The following PCYT1A variants were observed in gnomAD, a reference collection of about 807,000 sequenced individuals.
PCYT1A encodes choline-phosphate cytidylyltransferase A.
PCYT1A carries 25 observed loss-of-function variants against 43.7 expected under a neutral mutation model. The ratio of observed to expected loss-of-function variants is 0.57; its 90% confidence interval spans 0.42 to 0.80. PCYT1A has a LOEUF of 0.80. Among genes scored for constraint, PCYT1A ranks in the 30% least tolerant of loss-of-function variants. The probability of loss-of-function intolerance (pLI) is 0.00; values close to 1 mark genes in which losing one functional copy is unlikely to be tolerated. For missense variants in PCYT1A, 421 were observed against 474.2 expected (o/e 0.89, Z 1.04); for synonymous variants, 172 against 170.7 (o/e 1.01, Z -0.06).
intron 1 of PCYT1A, among the ~76,000 whole-genome samples, chr3:196,286,022 T>C (rs1342185385): frequency 6.6e-6 from 1 of 150,668 alleles, no homozygotes; most frequent in Non-Finnish European, 1.5e-5. Context: ...AACCCCTAAA[T>C]CCTCACTGCC....
chr3:196,241,712 T>G, intron 7 of PCYT1A: 1 of 1,378,816 alleles, frequency 7.3e-7, no homozygotes, highest in Non-Finnish European at 9.8e-7. Flanking sequence ...CTATATAAAT[T>G]ACTCATTTAT....
intron 3 of PCYT1A, among the ~76,000 whole-genome samples, chr3:196,257,301 A>C (rs1724980242): frequency 6.6e-6 from 1 of 152,226 alleles, no homozygotes; most frequent in African/African-American, 2.4e-5. Context: ...TATTTTTTAA[A>C]ACCTGGAAAA....
chr3:196,248,378 A>G, intron 3 of PCYT1A, 55 bp from the exon 4 acceptor site: 2 of 1,133,442 alleles, frequency 1.8e-6, no homozygotes, highest in Non-Finnish European at 2.7e-6. Context: ...TGTCATTTTT[A>G]TTTTTATTTT....
chr3:196,275,211 G>T (rs1725549471), intron 1 of PCYT1A, among the ~76,000 whole-genome samples: 1 of 152,186 alleles, frequency 6.6e-6, no homozygotes. Flanking sequence ...AGTACTTACT[G>T]CTTACAAAGT....
At chr3:196,283,966 A>C (rs1161912402) in intron 1 of PCYT1A, among the ~76,000 whole-genome samples, 1 of 152,252 alleles carries the variant, frequency 6.6e-6, no homozygotes, top group Admixed American at 6.5e-5. Context: ...CCCTGACTTT[A>C]GGGTTTCTCC....
rs201805549 is a variant in PCYT1A at position 196,239,535 on chromosome 3, G to A, written c.897+12C>T. On this transcript the variant is annotated intron_variant, in intron 8 of 8. Transcript: ENST00000431016. The stretch of plus-strand genomic sequence containing the variant: ...TGGAACTCCCTACATTGTCCAGTGG[G>A]AAAGAACATACCAGTGCTCCTTCCG... The A allele has an allele frequency of 1.4e-4, 228 of 1,575,286 alleles. 1 individual carries two copies. The East Asian group carries it at 5.1e-3, about 35-fold the overall frequency.
At position 196,235,460 on chromosome 3, in the gene PCYT1A, A is replaced by G. The variant is rs1465657063; in HGVS notation, c.*3228T>C. ...TCCCTAACTTTCTTACCCAAGCCTC[A>G]GCAATATAATGGTCTTTGGCTCTAG... On this transcript the variant is annotated 3_prime_UTR_variant, in exon 9 of 9. Transcript: ENST00000431016. The surrounding 1 kb of genome is among the most constrained non-coding windows in gnomAD (Gnocchi z 4.3). 2 of 152,242 alleles carry G rather than the reference A, an allele frequency of 1.3e-5. No individual in the cohort carries two copies. The highest frequency in any genetic ancestry group is 4.8e-5 in the African/African-American group (2 of 41,444). The allele number at this position is 152,242 out of a possible 1,614,324, so 9.4% of individuals were successfully genotyped here. A position where few individuals can be genotyped will look rare whatever the true frequency, so the allele number is the denominator to read the frequency against.
chr3:196,238,007 C>T lies in PCYT1A; in HGVS notation c.*681G>A, dbSNP rs1045121946. 1 of 152,204 alleles carries T rather than the reference C, an allele frequency of 6.6e-6. No individual in the cohort carries two copies. Among genetic ancestry groups the T allele is most frequent in the African/African-American group, 2.4e-5 (1 of 41,448 alleles). The allele number at this position is 152,204 out of a possible 1,614,324, so 9.4% of individuals were successfully genotyped here. On this transcript the variant is annotated 3_prime_UTR_variant, in exon 9 of 9. Transcript: ENST00000431016. The stretch of plus-strand genomic sequence containing the variant: ...TTGATGCCATGGGTCTGCTTCCATC[C>T]CCATCAGTGTCTTCATGGACCCCAT...
In PCYT1A at chr3:196,242,294, C is replaced by T; in HGVS notation, c.566-204G>A. 1.5e-6 allele frequency: 1 copy of T among 646,982 alleles called. No homozygotes were observed. Among genetic ancestry groups the T allele is most frequent in the Non-Finnish European group, 2.7e-6 (1 of 364,636 alleles). 40.1% of individuals were successfully genotyped at this position (646,982 alleles called of 1,614,324 possible). ...TAAGGCAAAGAAGAGTTACATAGCC[C>T]TAATATTAAGAAAAATATGAGAAAG... On this transcript the variant is annotated intron_variant, in intron 6 of 8. Coordinates refer to ENST00000431016, the MANE Select transcript of PCYT1A (RefSeq NM_001312673.2). This position sits in a 1 kb window ranked among gnomAD's most constrained non-coding sequence, Gnocchi z 4.2.
At chr3:196,284,390 T>G (rs1725847956) in intron 1 of PCYT1A, among the ~76,000 whole-genome samples, 1 of 152,218 alleles carries the variant, frequency 6.6e-6, no homozygotes, top group Non-Finnish European at 1.5e-5. Flanking sequence ...ACAAACTCTA[T>G]GAAATTACAT....
rs370577685 is a variant in PCYT1A, at chr3:196,243,945, C to A, written c.487-1305G>T. ...AAAGTGCTGAGACTGCAGCCTCTGCCCGGCCGCCACCCCGTCTGGGAAGTG... is the reference window on the plus strand; with the variant it reads ...AAAGTGCTGAGACTGCAGCCTCTGCACGGCCGCCACCCCGTCTGGGAAGTG... On this transcript the variant is annotated intron_variant, in intron 5 of 8. Transcript: ENST00000431016. 4.9e-4 allele frequency among the ~76,000 whole-genome samples: 74 copies of A among 152,374 alleles called. 1 individual carries two copies. In the East Asian group the frequency reaches 0.012, roughly 24 times the overall value.
At chr3:196,244,800 T>C (rs560920842) in intron 5 of PCYT1A, among the ~76,000 whole-genome samples, 169 of 152,208 alleles carry the variant, frequency 1.1e-3, no homozygotes, top group African/African-American at 4.0e-3. Flanking sequence ...CCCCCAACCC[T>C]GTGCTCTCTG....
intron 5 of PCYT1A, among the ~76,000 whole-genome samples, chr3:196,245,143 CTT>C (rs780768606): frequency 1.3e-4 from 18 of 142,018 alleles, no homozygotes; most frequent in Non-Finnish European, 1.1e-4. Flanking sequence ...CATTTCACTA[CTT>C]TTTTTTTTTT....
Position 196,249,412 on chromosome 3 carries a change from C to T in PCYT1A, c.218-1089G>A, listed in dbSNP as rs1023028421. Among the ~76,000 whole-genome samples the T allele has an allele frequency of 2.7e-5, 4 of 149,108 alleles. No individual in the cohort carries two copies. The Admixed American group carries it at 2.7e-4, about 10-fold the overall frequency. On this transcript the variant is annotated intron_variant, in intron 3 of 8. Coordinates refer to ENST00000431016, the MANE Select transcript of PCYT1A (RefSeq NM_001312673.2). ...CTTGGCCTCCCAAAATGCTGGGATT[C>T]CAGGTGTGAGCCACCATGCTCAGCC...
chr3:196,263,276 G>T (rs1455817000), intron 2 of PCYT1A, among the ~76,000 whole-genome samples: 1 of 152,044 alleles, frequency 6.6e-6, no homozygotes, highest in Non-Finnish European at 1.5e-5. Context: ...ATGCAGCAGT[G>T]CGATCCATAC....
At position 196,256,870 on chromosome 3, in the gene PCYT1A, A is replaced by C. The variant is rs78559950; in HGVS notation, c.217+918T>G. Among the ~76,000 whole-genome samples, 82 of 152,298 alleles carry C rather than the reference A, an allele frequency of 5.4e-4. 1 individual carries two copies. In the East Asian group the frequency reaches 0.015, roughly 27 times the overall value. Reference sequence around the variant, plus strand: ...TTCTATTTGTATTTCACTGTTCTTCAGTTACTACAGAGAGCAAACATACCA... The same window carrying C: ...TTCTATTTGTATTTCACTGTTCTTCCGTTACTACAGAGAGCAAACATACCA... On this transcript the variant is annotated intron_variant, in intron 3 of 8. Coordinates refer to ENST00000431016, the MANE Select transcript of PCYT1A (RefSeq NM_001312673.2).
At chr3:196,269,998 C>A (rs1467254582) in intron 2 of PCYT1A, among the ~76,000 whole-genome samples, 1 of 152,184 alleles carries the variant, frequency 6.6e-6, no homozygotes, top group East Asian at 1.9e-4. Flanking sequence ...CTCAGCCTCC[C>A]AAGCAGCTGA....
At chr3:196,246,017 A>G (rs1724560381) in intron 5 of PCYT1A, among the ~76,000 whole-genome samples, 1 of 151,846 alleles carries the variant, frequency 6.6e-6, no homozygotes. Context: ...TAACAAAGAG[A>G]AAAGGGGAGT....
In PCYT1A at chr3:196,242,277, A is replaced by G; in HGVS notation, c.566-187T>C. On this transcript the variant is annotated intron_variant, in intron 6 of 8. Coordinates refer to ENST00000431016, the MANE Select transcript of PCYT1A (RefSeq NM_001312673.2). This position sits in a 1 kb window ranked among gnomAD's most constrained non-coding sequence, Gnocchi z 4.2. ...GAATCAAAGGCCAGAGGTAAGGCAAAGAAGAGTTACATAGCCCTAATATTA... is the reference window on the plus strand; with the variant it reads ...GAATCAAAGGCCAGAGGTAAGGCAAGGAAGAGTTACATAGCCCTAATATTA... The G allele has an allele frequency of 3.1e-6, 2 of 655,446 alleles. No homozygotes were observed. 40.6% of individuals were successfully genotyped at this position (655,446 alleles called of 1,614,324 possible). A position where few individuals can be genotyped will look rare whatever the true frequency, so the allele number is the denominator to read the frequency against.
Sources: gnomAD v4.1 joint callset for allele counts (sites outside exome capture counted in the v4.1 genomes callset) on GRCh38, gnomAD v4.1.1 for gene constraint, Gnocchi (gnomAD v3.1) non-coding constraint, MANE v1.5 for transcripts, NCBI Gene and HGNC (gene_info 2026-07-23, HGNC 2026-07-21) for gene names.